ASH1L: variants seen among roughly 807,000 people sequenced by gnomAD.
ASH1L encodes the protein ASH1 like histone lysine methyltransferase.
In ASH1L, 23 loss-of-function variants were observed where a neutral mutation model predicts 269.0. The observed-to-expected ratio is 0.09, with a 90% CI of 0.06 to 0.12. ASH1L has a LOEUF of 0.12. Among genes scored for constraint, ASH1L ranks in the 10% least tolerant of loss-of-function variants. The pLI, the probability that ASH1L is intolerant of heterozygous loss-of-function variation, is 1.00. For synonymous variants in ASH1L, 1,187 were observed against 1,253.5 expected (o/e 0.95, Z 1.12); for missense variants, 2,912 against 3,567.8 (o/e 0.82, Z 4.68).
intron 5 of ASH1L, among the ~76,000 whole-genome samples, chr1:155,429,993 T>G (rs80179861): frequency 1.3e-5 from 2 of 151,750 alleles, no homozygotes; most frequent in Non-Finnish European, 2.9e-5. Context: ...TTTTTTTTTT[T>G]GAGACAGAGT....
At chr1:155,405,552 G>A (rs780111502) in intron 6 of ASH1L, among the ~76,000 whole-genome samples, 9 of 151,926 alleles carry the variant, frequency 5.9e-5, no homozygotes, top group Non-Finnish European at 1.3e-4. Context: ...AAAATAGGTC[G>A]GGCATGGTCA....
chr1:155,547,511 G>C (rs1197215959), intron 1 of ASH1L, among the ~76,000 whole-genome samples: 2 of 152,002 alleles, frequency 1.3e-5, no homozygotes, highest in African/African-American at 4.8e-5. Flanking sequence ...ATCACCTGAG[G>C]TCAGGAGTTT....
intron 4 of ASH1L, among the ~76,000 whole-genome samples, chr1:155,456,441 TC>T (rs1663868423): frequency 1.3e-5 from 2 of 152,208 alleles, no homozygotes; most frequent in South Asian, 4.1e-4. Context: ...ACTAATCTAT[TC>T]CATTCTGAAG....
chr1:155,531,488 T>C (rs1357421437), intron 1 of ASH1L, among the ~76,000 whole-genome samples: 2 of 152,072 alleles, frequency 1.3e-5, no homozygotes, highest in Non-Finnish European at 2.9e-5. Flanking sequence ...CTGCACTTAA[T>C]TCCCTTTCAA....
intron 18 of ASH1L, 37 bp downstream of exon 18, chr1:155,349,505 T>C (rs1211857188): frequency 6.2e-7 from 1 of 1,614,084 alleles, no homozygotes; most frequent in Admixed American, 1.7e-5. Context: ...TTAGCACTTT[T>C]TAAAAACTCA....
intron 6 of ASH1L, among the ~76,000 whole-genome samples, chr1:155,414,256 T>C (rs1339778019): frequency 6.6e-6 from 1 of 152,124 alleles, no homozygotes; most frequent in Non-Finnish European, 1.5e-5. Flanking sequence ...CCTATACCTT[T>C]CACATCCATC....
intron 2 of ASH1L, among the ~76,000 whole-genome samples, chr1:155,484,265 G>C (rs1196101714): frequency 6.6e-6 from 1 of 152,150 alleles, no homozygotes; most frequent in Non-Finnish European, 1.5e-5. Context: ...GAGGTGGGCA[G>C]ATCGCCTGAG....
intron 1 of ASH1L, among the ~76,000 whole-genome samples, chr1:155,545,167 C>CAT (rs1175810367): frequency 2.9e-5 from 2 of 67,800 alleles, no homozygotes; most frequent in Non-Finnish European, 5.4e-5. Context: ...AGCAAAACTC[C>CAT]ATCTCACCAA....
Position 155,337,613 on chromosome 1 carries a change from T to A in ASH1L, c.*47A>T. ...CCCAGAGAGCAGGAGGCAGGACTGA[T>A]TAGCTCCACTGGATCCCAGATGCTT... On this transcript the variant is annotated 3_prime_UTR_variant, in exon 28 of 28. Transcript: ENST00000392403. 6.5e-7 allele frequency: 1 copy of A among 1,529,606 alleles called. No individual in the cohort carries two copies. The highest frequency in any genetic ancestry group is 9.1e-7 in the Non-Finnish European group (1 of 1,103,952). The allele number at this position is 1,529,606 out of a possible 1,614,324, so 94.8% of individuals were successfully genotyped here. A position where few individuals can be genotyped will look rare whatever the true frequency, so the allele number is the denominator to read the frequency against.
chr1:155,500,412 A>G (rs1667428152), intron 2 of ASH1L, among the ~76,000 whole-genome samples: 1 of 152,252 alleles, frequency 6.6e-6, no homozygotes, highest in South Asian at 2.1e-4. Flanking sequence ...GATGAAGGTA[A>G]GACTACAGAA....
chr1:155,453,558 G>A (rs1399319987), intron 4 of ASH1L, among the ~76,000 whole-genome samples: 1 of 152,108 alleles, frequency 6.6e-6, no homozygotes. Flanking sequence ...TCAGCACTTT[G>A]GGAAGCCAAG....
At position 155,543,938 on chromosome 1, in the gene ASH1L, C is replaced by CA. The variant is rs200730137; in HGVS notation, c.-100+18214dup. Among the ~76,000 whole-genome samples the CA allele has an allele frequency of 3.4e-3, 511 of 151,616 alleles. 3 individuals are homozygous for CA. Among genetic ancestry groups the CA allele is most frequent in the African/African-American group, 0.011 (442 of 41,348 alleles). On this transcript the variant is annotated intron_variant, in intron 1 of 27. Coordinates refer to ENST00000392403, the MANE Select transcript of ASH1L (RefSeq NM_018489.3). The stretch of plus-strand genomic sequence containing the variant: ...CTAGGCGAAAGAACAAGACCTATCT[C>CA]AAAAAAAACACAACAAAACAAAAAA...
intron 10 of ASH1L, among the ~76,000 whole-genome samples, chr1:155,376,909 CT>C (rs1004889305): frequency 3.4e-5 from 5 of 148,878 alleles, no homozygotes; most frequent in Non-Finnish European, 6.0e-5. Flanking sequence ...ACTCATAATT[CT>C]TTTTTTTTGG....
chr1:155,351,073 T>TA (rs1413348861), intron 17 of ASH1L, among the ~76,000 whole-genome samples: 2 of 145,532 alleles, frequency 1.4e-5, no homozygotes, highest in Non-Finnish European at 3.0e-5. Flanking sequence ...CTGTCTCTAC[T>TA]AAAAACACAC....
chr1:155,454,219 T>A (rs534279945), intron 4 of ASH1L, among the ~76,000 whole-genome samples: 5 of 152,352 alleles, frequency 3.3e-5, no homozygotes, highest in Non-Finnish European at 5.9e-5. Context: ...TAGCCTCATG[T>A]TACAGATAAG....
chr1:155,370,842 C>A lies in ASH1L; in HGVS notation c.6474G>T (p.Glu2158Asp). The A allele has an allele frequency of 6.2e-7, 1 of 1,614,184 alleles. No individual in the cohort carries two copies. ...EEKGWGIRTK[E>D]PLKAGQFIIE... Reference sequence around the variant, plus strand: ...TGATGAACTGCCCAGCTTTTAGGGGCTCTTTGGTTCTGATTCCCCAACCTT... The same window carrying A: ...TGATGAACTGCCCAGCTTTTAGGGGATCTTTGGTTCTGATTCCCCAACCTT... Residue 2158 changes from glutamate (E) to aspartate (D), a missense_variant, in exon 11 of 28, where the codon GAG becomes GAT. By Grantham distance (45) the Glu-to-Asp change is conservative. This residue lies in a region of ASH1L where 193 missense variants were observed against 311.6 expected (regional missense o/e 0.62). Coordinates refer to ENST00000392403, the MANE Select transcript of ASH1L (RefSeq NM_018489.3).
In ASH1L at chr1:155,438,585, G is replaced by T; in HGVS notation, c.5570C>A (p.Pro1857His). 1 of 1,614,148 alleles carries T rather than the reference G, an allele frequency of 6.2e-7. No individual in the cohort carries two copies. The highest frequency in any genetic ancestry group is 8.5e-7 in the Non-Finnish European group (1 of 1,180,026). The change falls in exon 5 of 28, where the codon CCC (proline) becomes CAC (histidine). Residue 1857 changes from proline to histidine, a missense_variant. Transcript: ENST00000392403. ...TTGCATTGATACGACAGCCTGAAGG[G>T]GACATTTCCGAGGTCGACCTGGCCT... Reference protein sequence around the residue: ...KRRPGRPRKCPLQAVVSMQAF... With the variant: ...KRRPGRPRKCHLQAVVSMQAF...
intron 1 of ASH1L, among the ~76,000 whole-genome samples, chr1:155,529,195 T>G (rs1669482891): frequency 6.6e-6 from 1 of 152,204 alleles, no homozygotes; most frequent in African/African-American, 2.4e-5. Context: ...TTATATTCCT[T>G]TGGGTATATA....
Position 155,337,667 on chromosome 1 carries a change from C to T in ASH1L, c.8888G>A (p.Arg2963Gln), listed in dbSNP as rs765245236. Residue 2963 changes from arginine (R) to glutamine (Q), a missense_variant, in exon 28 of 28, where the codon CGA becomes CAA. Arg to Gln is a conservative substitution (Grantham distance 43). Around this residue, in one of 13 missense-constraint regions of ASH1L, gnomAD observed 154 missense variants for 165.0 expected, o/e 0.93. Coordinates refer to ENST00000392403, the MANE Select transcript of ASH1L (RefSeq NM_018489.3). Reference protein sequence around the residue: ...RTLFIPENSFRK With the variant: ...RTLFIPENSFQK ...GTTCTCATTCTTTGAGGGTCACTTT[C>T]GAAAGCTGTTTTCTGGGATAAACAA... 2.2e-5 allele frequency: 35 copies of T among 1,613,312 alleles called. No individual in the cohort carries two copies. The highest frequency in any genetic ancestry group is 3.3e-5 in the Admixed American group (2 of 59,982).
Sources: allele counts gnomAD v4.1 joint callset (sites outside exome capture counted in the v4.1 genomes callset), GRCh38; gene constraint gnomAD v4.1.1; regional missense constraint gnomAD v4.1.1; transcripts MANE v1.5; gene names NCBI Gene and HGNC (gene_info 2026-07-23, HGNC 2026-07-21).